Variants in MSI2 observed in about 807,000 individuals in gnomAD.
The protein encoded by MSI2 is musashi RNA binding protein 2.
Under a neutral mutation model 45.6 loss-of-function variants are expected in MSI2, and 17 were observed. The ratio of observed to expected loss-of-function variants is 0.37; its 90% CI spans 0.26 to 0.56. The LOEUF (loss-of-function observed/expected upper bound fraction) is 0.56, where lower values mean the gene tolerates loss of function less well. Ranked by LOEUF, MSI2 falls within the 20% of genes least tolerant of loss-of-function variation. The pLI, the probability that MSI2 is intolerant of heterozygous loss-of-function variation, is 0.77. For synonymous variants in MSI2, 156 were observed against 158.2 expected, an observed-to-expected ratio of 0.99 and a Z score of 0.11; for missense variants, 293 against 444.2, an observed-to-expected ratio of 0.66 and a Z score of 3.06.
At chr17:57,457,588 C>G (rs977740879) in intron 6 of MSI2, among the ~76,000 whole-genome samples, 5 of 152,182 alleles carry the variant, frequency 3.3e-5, no homozygotes, top group Admixed American at 2.6e-4. Flanking sequence ...CTCTTAGAAA[C>G]CAATTAATAA....
intron 5 of MSI2, among the ~76,000 whole-genome samples, chr17:57,350,255 T>TGTGTGTGTGTG (rs1567773707): frequency 2.6e-5 from 4 of 151,818 alleles, no homozygotes; most frequent in African/African-American, 7.3e-5. Flanking sequence ...TGTGTGTGTG[T>TGTGTGTGTGTG]TCATAGAAGG....
At chr17:57,647,772 G>A (rs1188458065) in intron 10 of MSI2, among the ~76,000 whole-genome samples, 1 of 151,670 alleles carries the variant, frequency 6.6e-6, no homozygotes, top group Non-Finnish European at 1.5e-5. Flanking sequence ...CGCCTCCCAA[G>A]TAGCTGGAAC....
intron 7 of MSI2, among the ~76,000 whole-genome samples, chr17:57,555,871 C>A (rs2087424230): frequency 6.6e-6 from 1 of 152,164 alleles, no homozygotes; most frequent in South Asian, 2.1e-4. Context: ...TTCCTGGGGC[C>A]CCACCTGGCA....
At chr17:57,567,439 A>G (rs1488829516) in intron 7 of MSI2, among the ~76,000 whole-genome samples, 1 of 152,276 alleles carries the variant, frequency 6.6e-6, no homozygotes, top group Non-Finnish European at 1.5e-5. Flanking sequence ...ATGTTCTGGC[A>G]TAGCGAGTGT....
At chr17:57,581,185 G>C (rs531699498) in intron 7 of MSI2, among the ~76,000 whole-genome samples, 1 of 151,858 alleles carries the variant, frequency 6.6e-6, no homozygotes, top group Admixed American at 6.5e-5. Context: ...GCTAATTTTT[G>C]TATTTTTAGT....
chr17:57,546,129 C>T (rs1176040801), intron 7 of MSI2, among the ~76,000 whole-genome samples: 1 of 152,136 alleles, frequency 6.6e-6, no homozygotes, highest in East Asian at 1.9e-4. Context: ...ATACAATCCA[C>T]CACCAAAATG....
chr17:57,542,359 C>T (rs1299838506), intron 7 of MSI2, among the ~76,000 whole-genome samples: 2 of 152,244 alleles, frequency 1.3e-5, no homozygotes, highest in Non-Finnish European at 2.9e-5. Flanking sequence ...AGCTGCTTCA[C>T]TCTGTGGCCG....
intron 6 of MSI2, among the ~76,000 whole-genome samples, chr17:57,492,785 C>T (rs763553856): frequency 4.6e-5 from 7 of 152,120 alleles, no homozygotes; most frequent in Non-Finnish European, 8.8e-5. Flanking sequence ...TTAGTAGAGA[C>T]GGTGTTTTAC....
intron 6 of MSI2, among the ~76,000 whole-genome samples, chr17:57,499,472 G>C: frequency 6.6e-6 from 1 of 151,470 alleles, no homozygotes; most frequent in East Asian, 1.9e-4. Flanking sequence ...CAAAATCAAG[G>C]GCAGACTTGA....
intron 5 of MSI2, among the ~76,000 whole-genome samples, chr17:57,345,056 C>A (rs188028975): frequency 5.3e-5 from 8 of 152,116 alleles, no homozygotes; most frequent in Admixed American, 6.5e-5. Context: ...GGGCGAGACT[C>A]CGTCTCAAAA....
rs2084780112 is a variant in MSI2 at position 57,440,473 on chromosome 17, G to GT, written c.405+39002_405+39003insT. 3.1e-5 allele frequency among the ~76,000 whole-genome samples: 3 copies of GT among 95,576 alleles called. No individual in the cohort carries two copies. In the East Asian group the frequency reaches 1.3e-3, roughly 43 times the overall value. The allele number at this position is 95,576 out of a possible 152,430, so 62.7% of individuals were successfully genotyped here. ...GTGTGTGTGTGTGTGTGTGTAGCGTGGCTGGGTCAGACTGGATTCCTTGTT... is the reference window on the plus strand; with the variant it reads ...GTGTGTGTGTGTGTGTGTGTAGCGTGTGCTGGGTCAGACTGGATTCCTTGTT... On this transcript the variant is annotated intron_variant, in intron 6 of 13. Coordinates refer to ENST00000284073, the MANE Select transcript of MSI2 (RefSeq NM_138962.4).
chr17:57,329,636 T>C (rs924595694), intron 5 of MSI2, among the ~76,000 whole-genome samples: 1 of 152,182 alleles, frequency 6.6e-6, no homozygotes, highest in Admixed American at 6.5e-5. Flanking sequence ...CAAAGACTTA[T>C]TTACATGAGT....
rs570839084 is a variant in MSI2 at position 57,409,805 on chromosome 17, G to C, written c.405+8334G>C. The stretch of plus-strand genomic sequence containing the variant: ...GGGCGAATCATGAGGTCAGGAGTTC[G>C]AGACCAGCCTGGCCAACATGGTGAA... On this transcript the variant is annotated intron_variant, in intron 6 of 13. Coordinates refer to ENST00000284073, the MANE Select transcript of MSI2 (RefSeq NM_138962.4). Among the ~76,000 whole-genome samples, 4 of 152,080 alleles carry C rather than the reference G, an allele frequency of 2.6e-5. No individual in the cohort carries two copies. The South Asian group carries it at 8.3e-4, about 32-fold the overall frequency.
intron 4 of MSI2, among the ~76,000 whole-genome samples, chr17:57,259,770 T>C (rs1237714550): frequency 1.3e-5 from 2 of 151,440 alleles, no homozygotes; most frequent in East Asian, 1.9e-4. Context: ...GAGGAAAATC[T>C]TTTCAAGGCA....
rs2087333641 is a variant in MSI2, at chr17:57,552,633, C to T, written c.454+22909C>T. ...GCAAGTTTCCTCTGGTTCAAACTTA[C>T]GTTTGAAGTTTTTCTACAACCAGAA... On this transcript the variant is annotated intron_variant, in intron 7 of 13. Coordinates refer to ENST00000284073, the MANE Select transcript of MSI2 (RefSeq NM_138962.4). This position sits in a 1 kb window ranked among gnomAD's most constrained non-coding sequence, Gnocchi z 4.3. 2.6e-5 allele frequency among the ~76,000 whole-genome samples: 4 copies of T among 152,172 alleles called. No individual in the cohort carries two copies. Among genetic ancestry groups the T allele is most frequent in the South Asian group, 2.1e-4 (1 of 4,826 alleles).
chr17:57,401,514 C>T (rs775186503), intron 6 of MSI2, 43 bp downstream of exon 6: 5 of 1,509,786 alleles, frequency 3.3e-6, no homozygotes, highest in Non-Finnish European at 4.6e-6. Flanking sequence ...CAGAAGTAGC[C>T]TCATCAGTCC....
At chr17:57,632,121 C>T in intron 10 of MSI2, 5 of 1,235,322 alleles carry the variant, frequency 4.0e-6, no homozygotes, top group Non-Finnish European at 5.1e-6. Flanking sequence ...AAACTTCTCA[C>T]AAACTTCGTA....
chr17:57,548,320 A>G (rs1044291187), intron 7 of MSI2, among the ~76,000 whole-genome samples: 1 of 151,850 alleles, frequency 6.6e-6, no homozygotes, highest in African/African-American at 2.4e-5. Flanking sequence ...CAGCTCTGAC[A>G]TATTAATTCG....
intron 6 of MSI2, among the ~76,000 whole-genome samples, chr17:57,488,820 G>A (rs1384667958): frequency 4.7e-5 from 7 of 149,650 alleles, no homozygotes; most frequent in African/African-American, 7.4e-5. Context: ...GTGAAACTCC[G>A]TCTAAAAAAA....
Sources: allele counts gnomAD v4.1 joint callset (sites outside exome capture counted in the v4.1 genomes callset), GRCh38; gene constraint gnomAD v4.1.1; non-coding constraint Gnocchi (gnomAD v3.1); transcripts MANE v1.5; gene names NCBI Gene and HGNC (gene_info 2026-07-23, HGNC 2026-07-21).